USH2A: variants seen among roughly 807,000 people sequenced by gnomAD.
USH2A encodes the protein usherin, also known as Usher syndrome 2A (autosomal recessive, mild).
In USH2A, 443 loss-of-function variants were observed where a neutral mutation model predicts 538.9. The observed-to-expected ratio is 0.82, with a 90% CI of 0.76 to 0.89. The LOEUF (loss-of-function observed/expected upper bound fraction) is 0.89, where lower values mean the gene tolerates loss of function less well. Ranked by LOEUF, USH2A falls within the 40% of genes least tolerant of loss-of-function variation. The pLI is 0.00. For missense variants in USH2A, 6,633 were observed against 6,324.8 expected (o/e 1.05, Z -1.65); for synonymous variants, 2,413 against 2,273.5 (o/e 1.06, Z -1.75).
At chr1:215,966,677 C>T (rs1235674745) in intron 36 of USH2A, among the ~76,000 whole-genome samples, 7 of 152,064 alleles carry the variant, frequency 4.6e-5, no homozygotes, top group Admixed American at 3.3e-4. Context: ...TAGCTACATA[C>T]AAAAATGATG....
intron 16 of USH2A, among the ~76,000 whole-genome samples, chr1:216,202,381 G>A (rs1427496943): frequency 6.6e-6 from 1 of 152,210 alleles, no homozygotes; most frequent in Admixed American, 6.5e-5. Flanking sequence ...ATATGCATTT[G>A]TGTAGGAATA....
chr1:215,845,815 T>C lies in USH2A; in HGVS notation c.9055+9A>G, dbSNP rs1222457564. On this transcript the variant is annotated intron_variant, in intron 45 of 71. Coordinates refer to ENST00000307340, the MANE Select transcript of USH2A (RefSeq NM_206933.4). ...TCTGAGGCAAATATCCTTTAGAATC[T>C]GGACTCACCCCCATCGCAAGTGGTT... The C allele has an allele frequency of 2.7e-5, 44 of 1,612,780 alleles. No homozygotes were observed. The highest frequency in any genetic ancestry group is 3.6e-5 in the Non-Finnish European group (43 of 1,179,358).
At chr1:216,328,484 C>A (rs1176601880) in intron 4 of USH2A, among the ~76,000 whole-genome samples, 1 of 152,000 alleles carries the variant, frequency 6.6e-6, no homozygotes, top group Non-Finnish European at 1.5e-5. Flanking sequence ...AAATTTATTT[C>A]AATAATTGTT....
At chr1:216,157,766 C>T (rs1289757109) in intron 21 of USH2A, among the ~76,000 whole-genome samples, 2 of 152,138 alleles carry the variant, frequency 1.3e-5, no homozygotes, top group East Asian at 3.9e-4. Flanking sequence ...AAACATTGAG[C>T]ACACATGGAC....
chr1:216,007,516 T>A (rs1225856478), intron 32 of USH2A, among the ~76,000 whole-genome samples: 1 of 152,160 alleles, frequency 6.6e-6, no homozygotes, highest in Admixed American at 6.5e-5. Context: ...AGTAGAAATG[T>A]GCAAGCTCTC....
At chr1:215,645,323 G>A (rs1319473636) in intron 67 of USH2A, among the ~76,000 whole-genome samples, 1 of 152,018 alleles carries the variant, frequency 6.6e-6, no homozygotes, top group Non-Finnish European at 1.5e-5. Context: ...TGAGCTCAGT[G>A]ACCATGAGTT....
chr1:215,983,451 C>T (rs1667799490), intron 35 of USH2A, among the ~76,000 whole-genome samples: 1 of 152,062 alleles, frequency 6.6e-6, no homozygotes, highest in Non-Finnish European at 1.5e-5. Flanking sequence ...GATAAGCAAG[C>T]CGCCACTAGA....
chr1:215,664,501 C>G (rs977535242), intron 64 of USH2A, among the ~76,000 whole-genome samples: 1 of 152,104 alleles, frequency 6.6e-6, no homozygotes, highest in Admixed American at 6.5e-5. Context: ...TAGGGTTTTA[C>G]AAACTGTAGA....
At chr1:215,631,227 A>AGTGTGTGTGTGTGTGTGTGTGTGT (rs145355299) in intron 70 of USH2A, among the ~76,000 whole-genome samples, 14 of 148,548 alleles carry the variant, frequency 9.4e-5, no homozygotes, top group African/African-American at 3.4e-4. Flanking sequence ...GAGGGGGAGA[A>AGTGTGTGTGTGTGTGTGTGTGTGT]GTGTGTGTGT....
rs549771419 is a variant in USH2A at position 215,846,048 on chromosome 1, T to A, written c.8846-15A>T. On this transcript the variant is annotated splice_polypyrimidine_tract_variant and intron_variant, in intron 44 of 71. Coordinates refer to ENST00000307340, the MANE Select transcript of USH2A (RefSeq NM_206933.4). ...GTCTTGAACAGCTGTCAACAATAAA[T>A]GCAGGACATGGTGAATGTAGCTGAG... The A allele has an allele frequency of 1.1e-5, 17 of 1,607,870 alleles. No homozygotes were observed. The South Asian group carries it at 1.8e-4, about 17-fold the overall frequency.
At chr1:215,648,980 T>C (rs1263770872) in intron 65 of USH2A, among the ~76,000 whole-genome samples, 1 of 152,150 alleles carries the variant, frequency 6.6e-6, no homozygotes, top group Non-Finnish European at 1.5e-5. Flanking sequence ...ATGTAACCGT[T>C]AAATAGACGT....
intron 21 of USH2A, among the ~76,000 whole-genome samples, chr1:216,101,700 T>A (rs899690129): frequency 5.9e-5 from 9 of 152,222 alleles, no homozygotes; most frequent in African/African-American, 1.7e-4. Flanking sequence ...AAATTTAGAC[T>A]TTGATTTTCA....
chr1:216,175,413 G>A lies in USH2A; in HGVS notation c.4466C>T (p.Pro1489Leu), dbSNP rs1397675655. Residue 1489 changes from proline to leucine, a missense_variant, in exon 21 of 72, where the codon CCA becomes CTA. Pro to Leu is a moderately conservative substitution (Grantham distance 98). Coordinates refer to ENST00000307340, the MANE Select transcript of USH2A (RefSeq NM_206933.4). ...NSTTIHLRWF[P>L]PEELNGPSPI... ...AGAGGGTCCATTCAGTTCTTCAGGTGGAAACCACCTAAGATGGATTGTTGT... is the reference window on the plus strand; with the variant it reads ...AGAGGGTCCATTCAGTTCTTCAGGTAGAAACCACCTAAGATGGATTGTTGT... 6.2e-7 allele frequency: 1 copy of A among 1,613,648 alleles called. No individual in the cohort carries two copies. Among genetic ancestry groups the A allele is most frequent in the Non-Finnish European group, 8.5e-7 (1 of 1,179,888 alleles).
chr1:216,091,350 T>C (rs1243389970), intron 22 of USH2A, among the ~76,000 whole-genome samples: 3 of 152,202 alleles, frequency 2.0e-5, no homozygotes, highest in Non-Finnish European at 4.4e-5. Context: ...GGGATAAACA[T>C]AGATCATTAC....
intron 11 of USH2A, among the ~76,000 whole-genome samples, chr1:216,278,655 G>T (rs1351743610): frequency 6.6e-6 from 1 of 152,082 alleles, no homozygotes; most frequent in Non-Finnish European, 1.5e-5. Flanking sequence ...AATATCCATG[G>T]ATCATACTAT....
chr1:216,366,962 T>A (rs1478047245), intron 3 of USH2A, among the ~76,000 whole-genome samples: 1 of 152,156 alleles, frequency 6.6e-6, no homozygotes, highest in East Asian at 1.9e-4. Context: ...ATTTGTAGCA[T>A]TATCTCATGT....
chr1:216,036,005 T>C (rs544635637), intron 32 of USH2A, among the ~76,000 whole-genome samples: 7 of 152,158 alleles, frequency 4.6e-5, no homozygotes, highest in Admixed American at 2.0e-4. Context: ...AGGAATTTGA[T>C]ATGGAAGAGT....
chr1:215,845,314 G>T (rs1203461943), intron 45 of USH2A, among the ~76,000 whole-genome samples: 1 of 152,018 alleles, frequency 6.6e-6, no homozygotes, highest in Non-Finnish European at 1.5e-5. Flanking sequence ...AGCCAAAAAA[G>T]ATTAGAAAGA....
intron 61 of USH2A, among the ~76,000 whole-genome samples, chr1:215,717,502 C>T (rs774809102): frequency 6.6e-6 from 1 of 152,228 alleles, no homozygotes. Flanking sequence ...ACAATCAATA[C>T]CATGCATGAC....
Sources: allele counts gnomAD v4.1 joint callset (sites outside exome capture counted in the v4.1 genomes callset), GRCh38; gene constraint gnomAD v4.1.1; transcripts MANE v1.5; gene names NCBI Gene and HGNC (gene_info 2026-07-23, HGNC 2026-07-21).